Variants in CPVL observed in about 807,000 individuals in gnomAD.
CPVL encodes the protein carboxypeptidase vitellogenic like.
In CPVL, 51 loss-of-function variants were observed where a neutral mutation model predicts 63.7. The ratio of observed to expected loss-of-function variants is 0.80; its 90% CI spans 0.64 to 1.01. CPVL has a LOEUF of 1.01. Among genes scored for constraint, CPVL ranks in the 50% least tolerant of loss-of-function variants. The probability of loss-of-function intolerance (pLI) is 0.00; values close to 1 mark genes in which losing one functional copy is unlikely to be tolerated. For synonymous variants in CPVL, 195 were observed against 206.0 expected (o/e 0.95, Z 0.46); for missense variants, 530 against 573.1 (o/e 0.92, Z 0.77).
rs1196371129 is a variant in CPVL at position 29,092,717 on chromosome 7, A to C, written c.463-15T>G. 2 of 1,580,798 alleles carry C rather than the reference A, an allele frequency of 1.3e-6. No individual in the cohort carries two copies. The highest frequency in any genetic ancestry group is 2.7e-5 in the African/African-American group (2 of 74,326). Reference sequence around the variant, plus strand: ...CCTGTGCCCACCTGCAGGAGAAATAAACACGCAGGTATAAACACAGAGAAA... The same window carrying C: ...CCTGTGCCCACCTGCAGGAGAAATACACACGCAGGTATAAACACAGAGAAA... On this transcript the variant is annotated splice_polypyrimidine_tract_variant and intron_variant, in intron 5 of 12. Coordinates refer to ENST00000265394, the MANE Select transcript of CPVL (RefSeq NM_031311.5).
intron 5 of CPVL, among the ~76,000 whole-genome samples, chr7:29,175,983 A>G (rs753856738): frequency 1.6e-4 from 24 of 152,212 alleles, no homozygotes; most frequent in Admixed American, 2.6e-4. Context: ...TCAGGAGATC[A>G]AGACCATCCT....
chr7:29,031,614 C>T (rs1447670473), intron 11 of CPVL, among the ~76,000 whole-genome samples: 3 of 152,096 alleles, frequency 2.0e-5, no homozygotes, highest in Non-Finnish European at 4.4e-5. Flanking sequence ...GTTGAAATTC[C>T]TTGTCCCAGT....
In CPVL at chr7:29,183,239, C is replaced by T. The variant is rs1019583469; in HGVS notation, c.-134+1182G>A. On this transcript the variant is annotated intron_variant, in intron 4 of 16. Coordinates refer to the CPVL transcript ENST00000409850. ...AGCTGGGGTTACAGGCATATGCCAA[C>T]ATGACTGGCTAATTTTGTATTTTCA... 5.9e-5 allele frequency among the ~76,000 whole-genome samples: 9 copies of T among 152,096 alleles called. 1 individual carries two copies. Among genetic ancestry groups the T allele is most frequent in the African/African-American group, 1.9e-4 (8 of 41,400 alleles).
At chr7:29,111,364 C>T (rs1788205000) in intron 3 of CPVL, among the ~76,000 whole-genome samples, 1 of 152,220 alleles carries the variant, frequency 6.6e-6, no homozygotes, top group Non-Finnish European at 1.5e-5. Context: ...ACCTGGCTCC[C>T]AGTTGGGCTC....
At chr7:29,094,421 T>C (rs773687881) in intron 5 of CPVL, among the ~76,000 whole-genome samples, 2 of 152,042 alleles carry the variant, frequency 1.3e-5, no homozygotes, top group Non-Finnish European at 2.9e-5. Flanking sequence ...GATTAGACGA[T>C]TGTGAAAGAT....
At chr7:29,174,437 A>G (rs969289580) in intron 5 of CPVL, among the ~76,000 whole-genome samples, 17 of 152,302 alleles carry the variant, frequency 1.1e-4, no homozygotes, top group Middle Eastern at 3.4e-3. Flanking sequence ...TTCTCCCCCA[A>G]GAGGGACAGG....
chr7:28,999,009 A>G (rs1244448878), intron 12 of CPVL, among the ~76,000 whole-genome samples: 3 of 151,924 alleles, frequency 2.0e-5, no homozygotes, highest in Non-Finnish European at 4.4e-5. Flanking sequence ...AGTTTGAAAG[A>G]GCCTGGCCAA....
At chr7:29,045,385 G>A (rs990826033) in intron 11 of CPVL, among the ~76,000 whole-genome samples, 13 of 152,056 alleles carry the variant, frequency 8.5e-5, no homozygotes, top group Non-Finnish European at 1.5e-4. Flanking sequence ...ATTGGTTTTC[G>A]AATGTACACT....
rs143265697 is a variant in CPVL, at chr7:29,066,321, T to C, written c.865-200A>G. On this transcript the variant is annotated intron_variant, in intron 9 of 12. Coordinates refer to ENST00000265394, the MANE Select transcript of CPVL (RefSeq NM_031311.5). The stretch of plus-strand genomic sequence containing the variant: ...AATGGCCATCAACAAAACAGACCAA[T>C]GGTCCTCCCCCATGGAGCTTTTATT... Among the ~76,000 whole-genome samples, 226 of 152,328 alleles carry C rather than the reference T, an allele frequency of 1.5e-3. 1 individual carries two copies. The highest frequency in any genetic ancestry group is 5.1e-3 in the African/African-American group (214 of 41,590).
intron 10 of CPVL, among the ~76,000 whole-genome samples, chr7:29,065,275 T>A (rs1783037981): frequency 6.6e-6 from 1 of 152,156 alleles, no homozygotes; most frequent in Non-Finnish European, 1.5e-5. Context: ...GTCTACCACA[T>A]GTTTTTCTCT....
chr7:29,095,836 A>G (rs1427004230), intron 4 of CPVL, among the ~76,000 whole-genome samples: 3 of 152,202 alleles, frequency 2.0e-5, no homozygotes, highest in African/African-American at 7.2e-5. Flanking sequence ...ACTGTTTTGC[A>G]AACCCAGAAT....
At chr7:29,030,515 G>A (rs756401781) in intron 12 of CPVL, 62 bp downstream of exon 12, 8 of 1,508,620 alleles carry the variant, frequency 5.3e-6, no homozygotes, top group Non-Finnish European at 6.3e-6. Flanking sequence ...TGCTATTCAG[G>A]CTTTATTTTC....
chr7:29,170,411 T>A (rs1334335776), intron 5 of CPVL, among the ~76,000 whole-genome samples: 2 of 152,210 alleles, frequency 1.3e-5, no homozygotes, highest in Non-Finnish European at 2.9e-5. Flanking sequence ...ATGCCAAAGA[T>A]TTGCCCTTTC....
At chr7:29,177,951 C>G (rs930845703) in intron 5 of CPVL, among the ~76,000 whole-genome samples, 1 of 152,136 alleles carries the variant, frequency 6.6e-6, no homozygotes, top group Non-Finnish European at 1.5e-5. Flanking sequence ...CACAAAGTTC[C>G]CCCTCCCCAA....
intron 12 of CPVL, among the ~76,000 whole-genome samples, chr7:29,025,625 T>C (rs1787419028): frequency 6.6e-6 from 1 of 151,972 alleles, no homozygotes; most frequent in Non-Finnish European, 1.5e-5. Context: ...CAAAGACACA[T>C]ACAGACTGAA....
chr7:29,051,175 T>C (rs1026399817), intron 11 of CPVL, among the ~76,000 whole-genome samples: 1 of 152,138 alleles, frequency 6.6e-6, no homozygotes, highest in African/African-American at 2.4e-5. Context: ...GAAAAACCCT[T>C]CTAGACATTG....
At chr7:29,079,498 C>T (rs1784504297) in intron 7 of CPVL, among the ~76,000 whole-genome samples, 1 of 152,196 alleles carries the variant, frequency 6.6e-6, no homozygotes, top group African/African-American at 2.4e-5. Context: ...ATAATCATAG[C>T]ACCTATTTCA....
intron 12 of CPVL, among the ~76,000 whole-genome samples, chr7:28,999,680 T>C (rs1045460095): frequency 6.6e-6 from 1 of 152,180 alleles, no homozygotes; most frequent in Non-Finnish European, 1.5e-5. Flanking sequence ...CTGACCCTGG[T>C]CCAATTTCTG....
chr7:29,109,111 T>C (rs2128627253), intron 3 of CPVL, among the ~76,000 whole-genome samples: 1 of 152,328 alleles, frequency 6.6e-6, no homozygotes, highest in South Asian at 2.1e-4. Flanking sequence ...TAGTCAGTGT[T>C]CAATTACCAG....
Sources: allele counts gnomAD v4.1 joint callset (sites outside exome capture counted in the v4.1 genomes callset), GRCh38; gene constraint gnomAD v4.1.1; transcripts MANE v1.5; gene names NCBI Gene and HGNC (gene_info 2026-07-23, HGNC 2026-07-21).